CBFA2T2: variants seen among roughly 807,000 people sequenced by gnomAD.
CBFA2T2 encodes the protein CBFA2/RUNX1 partner transcriptional co-repressor 2.
In CBFA2T2, 11 loss-of-function variants were observed where a neutral mutation model predicts 62.2. The observed-to-expected ratio is 0.18, with a 90% confidence interval of 0.11 to 0.29. CBFA2T2 has a LOEUF of 0.29. Ranked by LOEUF, CBFA2T2 falls within the 10% of genes least tolerant of loss-of-function variation. CBFA2T2 has a pLI of 1.00. For missense variants in CBFA2T2, 592 were observed against 774.1 expected (o/e 0.76, Z 2.79); for synonymous variants, 295 against 287.5 (o/e 1.03, Z -0.27).
intron 3 of CBFA2T2, 62 bp downstream of exon 3, chr20:33,611,397 CAAAGTT>C: frequency 6.3e-7 from 1 of 1,586,976 alleles, no homozygotes; most frequent in Non-Finnish European, 8.6e-7. Context: ...CCAAAGCGAG[CAAAGTT>C]CTAGATATTT....
At chr20:33,520,783 A>G (rs2011705948) in intron 1 of CBFA2T2, among the ~76,000 whole-genome samples, 1 of 152,128 alleles carries the variant, frequency 6.6e-6, no homozygotes, top group African/African-American at 2.4e-5. Flanking sequence ...AATGAAAAAA[A>G]GAAATATCTT....
chr20:33,540,562 A>G (rs2012386166), intron 1 of CBFA2T2, among the ~76,000 whole-genome samples: 1 of 152,226 alleles, frequency 6.6e-6, no homozygotes, highest in Non-Finnish European at 1.5e-5. Flanking sequence ...CAGCCCTTAT[A>G]ACATGCTTTT....
chr20:33,572,127 A>T (rs1435031449), intron 1 of CBFA2T2, among the ~76,000 whole-genome samples: 2 of 152,216 alleles, frequency 1.3e-5, no homozygotes, highest in Non-Finnish European at 2.9e-5. Context: ...TCCTGACTTC[A>T]GGTGATCTGC....
At chr20:33,503,254 CTTTTTTTT>C (rs557746879) in intron 1 of CBFA2T2, among the ~76,000 whole-genome samples, 2 of 108,644 alleles carry the variant, frequency 1.8e-5, no homozygotes, top group African/African-American at 7.3e-5. Flanking sequence ...TTCTTTCTTT[CTTTTTTTT>C]TTTTTTTTTT....
At chr20:33,581,214 A>T (rs2014097823) in intron 1 of CBFA2T2, among the ~76,000 whole-genome samples, 1 of 151,726 alleles carries the variant, frequency 6.6e-6, no homozygotes, top group Non-Finnish European at 1.5e-5. Flanking sequence ...ACACGCCACC[A>T]CACCTGGCTA....
intron 1 of CBFA2T2, chr20:33,574,106 T>C: frequency 6.4e-7 from 1 of 1,562,712 alleles, no homozygotes; most frequent in Non-Finnish European, 8.7e-7. Flanking sequence ...GATATTATGA[T>C]GAAGATTGAG....
At chr20:33,613,743 C>G (rs1218038343) in intron 3 of CBFA2T2, among the ~76,000 whole-genome samples, 6 of 152,084 alleles carry the variant, frequency 3.9e-5, no homozygotes, top group Non-Finnish European at 4.4e-5. Flanking sequence ...TATTTTAAAC[C>G]TGTTTATTCC....
intron 10 of CBFA2T2, among the ~76,000 whole-genome samples, chr20:33,643,042 G>A (rs2016911537): frequency 6.6e-6 from 1 of 152,208 alleles, no homozygotes; most frequent in Non-Finnish European, 1.5e-5. Flanking sequence ...CAAAACGGCT[G>A]ATTCTCGTCC....
At chr20:33,567,308 T>TG (rs1345750125) in intron 1 of CBFA2T2, among the ~76,000 whole-genome samples, 2 of 152,204 alleles carry the variant, frequency 1.3e-5, no homozygotes, top group Non-Finnish European at 2.9e-5. Context: ...TATAGATGCC[T>TG]GGCAAGGTGG....
intron 1 of CBFA2T2, among the ~76,000 whole-genome samples, chr20:33,559,102 G>A (rs550783791): frequency 1.3e-4 from 19 of 150,140 alleles, no homozygotes; most frequent in Non-Finnish European, 2.2e-4. Flanking sequence ...TTTTAAATAG[G>A]TATTATTATG....
In CBFA2T2 at chr20:33,510,979, GTTGT is replaced by G. The variant is rs574147598; in HGVS notation, c.34+20685_34+20688del. On this transcript the variant is annotated intron_variant, in intron 1 of 10. Coordinates refer to ENST00000342704, the MANE Select transcript of CBFA2T2 (RefSeq NM_001032999.3). ...TATCCTTCACCCACGTTTTGATGGG[GTTGT>G]TTGTTTTTTTCTTGTAAATTTGTTT... 6.4e-4 allele frequency among the ~76,000 whole-genome samples: 98 copies of G among 152,256 alleles called. 1 individual carries two copies. The highest frequency in any genetic ancestry group is 2.1e-3 in the African/African-American group (89 of 41,550).
intron 2 of CBFA2T2, among the ~76,000 whole-genome samples, chr20:33,610,185 G>A (rs907246495): frequency 6.6e-6 from 1 of 152,158 alleles, no homozygotes; most frequent in African/African-American, 2.4e-5. Flanking sequence ...AGCTACTCAG[G>A]AGGCTGAGGT....
intron 9 of CBFA2T2, among the ~76,000 whole-genome samples, chr20:33,637,966 CTTTTTTTTT>C (rs67124335): frequency 1.6e-3 from 107 of 66,804 alleles, no homozygotes; most frequent in African/African-American, 8.7e-3. Flanking sequence ...TGCACCCGGC[CTTTTTTTTT>C]TTTTTTTTTT....
At chr20:33,578,177 A>T (rs2013919637) in intron 1 of CBFA2T2, among the ~76,000 whole-genome samples, 1 of 152,184 alleles carries the variant, frequency 6.6e-6, no homozygotes, top group Non-Finnish European at 1.5e-5. Context: ...TTTCCTTTAC[A>T]GCTGACTACT....
intron 1 of CBFA2T2, among the ~76,000 whole-genome samples, chr20:33,580,465 A>G (rs187142978): frequency 3.3e-5 from 5 of 152,212 alleles, no homozygotes; most frequent in Non-Finnish European, 7.3e-5. Context: ...CCTCTTCTGA[A>G]ACAAAAATAG....
rs199805350 is a variant in CBFA2T2 at position 33,621,287 on chromosome 20, C to CTTTTTTTTTTTTT, written c.510+1695_510+1707dup. On this transcript the variant is annotated intron_variant, in intron 4 of 10. Transcript: ENST00000342704. ...TCTATAATACCTTTAATTTTACTGCCTTTTTTTTTTTTTTTTTTTTTTTTT... is the reference window on the plus strand; with the variant it reads ...TCTATAATACCTTTAATTTTACTGCCTTTTTTTTTTTTTTTTTTTTTTTTTTTTTTTTTTTTTT... 6.8e-4 allele frequency among the ~76,000 whole-genome samples: 58 copies of CTTTTTTTTTTTTT among 85,296 alleles called. 4 individuals carry two copies. Among genetic ancestry groups the CTTTTTTTTTTTTT allele is most frequent in the African/African-American group, 1.9e-3 (37 of 19,290 alleles). The allele number at this position is 85,296 out of a possible 152,430, so 56.0% of individuals were successfully genotyped here.
At chr20:33,523,007 T>C (rs1014941945) in intron 1 of CBFA2T2, among the ~76,000 whole-genome samples, 4 of 152,130 alleles carry the variant, frequency 2.6e-5, no homozygotes, top group African/African-American at 4.8e-5. Flanking sequence ...CCTTTAAGGA[T>C]TGTTTTGTAG....
In CBFA2T2 at chr20:33,624,877, T is replaced by C; in HGVS notation, c.806T>C (p.Met269Thr). Residue 269 changes from methionine (M) to threonine (T), a missense_variant, in exon 6 of 11, where the codon ATG becomes ACG. Coordinates refer to ENST00000342704, the MANE Select transcript of CBFA2T2 (RefSeq NM_001032999.3). ...RHSPALTVPL[M>T]NPGGQFHPTP... ...AGTCCTGCTCTCACTGTGCCCCTCATGAATCCCGGGGGCCAATTCCATCCT... is the reference window on the plus strand; with the variant it reads ...AGTCCTGCTCTCACTGTGCCCCTCACGAATCCCGGGGGCCAATTCCATCCT... 6.2e-7 allele frequency: 1 copy of C among 1,614,136 alleles called. No individual in the cohort carries two copies. The highest frequency in any genetic ancestry group is 1.1e-5 in the South Asian group (1 of 91,082).
Position 33,499,264 on chromosome 20 carries a change from C to G in CBFA2T2, c.34+8963C>G, listed in dbSNP as rs921269907. ...GAGGTGGGGAAGTAAGATTTCTCAC[C>G]TGCCAATTTTGTTCTCATTCCTTAG... On this transcript the variant is annotated intron_variant, in intron 1 of 10. Transcript: ENST00000342704. Among the ~76,000 whole-genome samples the G allele has an allele frequency of 2.6e-5, 4 of 152,114 alleles. No homozygotes were observed. The East Asian group carries it at 7.7e-4, about 29-fold the overall frequency.
Sources: gnomAD v4.1 joint callset for allele counts (sites outside exome capture counted in the v4.1 genomes callset) on GRCh38, gnomAD v4.1.1 for gene constraint, MANE v1.5 for transcripts, NCBI Gene and HGNC (gene_info 2026-07-23, HGNC 2026-07-21) for gene names.